Variants in RNF115 observed in about 807,000 individuals in gnomAD.
RNF115 encodes the protein ring finger protein 115.
RNF115 carries 31 observed loss-of-function variants against 39.2 expected under a neutral mutation model. That is an observed-to-expected ratio of 0.79 (90% confidence interval 0.59 to 1.07). RNF115 has a LOEUF of 1.07. RNF115 is among the 50% of genes least tolerant of loss of function. RNF115 has a pLI of 0.00. For synonymous variants in RNF115, 124 were observed against 131.0 expected (o/e 0.95, Z 0.37); for missense variants, 384 against 381.7 (o/e 1.01, Z -0.05).
chr1:145,761,273 C>T (rs916501403), intron 4 of RNF115, among the ~76,000 whole-genome samples: 1 of 152,156 alleles, frequency 6.6e-6, no homozygotes. Context: ...TAGCAAGGAG[C>T]CTAATGTTAA....
intron 1 of RNF115, among the ~76,000 whole-genome samples, chr1:145,809,599 A>C (rs1649610260): frequency 1.1e-5 from 1 of 88,054 alleles, no homozygotes; most frequent in African/African-American, 4.9e-5. Flanking sequence ...GGTTCAAGCA[A>C]TTCTTCTGCA....
intron 1 of RNF115, among the ~76,000 whole-genome samples, chr1:145,804,043 A>G (rs1470848701): frequency 6.6e-6 from 1 of 152,262 alleles, no homozygotes. Context: ...GCCAAAAAGT[A>G]TAGATGTTTA....
intron 1 of RNF115, among the ~76,000 whole-genome samples, chr1:145,793,599 T>C (rs892831561): frequency 2.0e-5 from 3 of 148,348 alleles, no homozygotes. Context: ...ATTACTCTTA[T>C]ATGTATGCTC....
Position 145,823,909 on chromosome 1 carries a change from C to CG in RNF115, c.-37dup. ...CGCCGCGGCCGTCCGAGAGGGCAGC[C>CG]GGCCCGTCCCTCGCCAGGCCGCTAC... On this transcript the variant is annotated 5_prime_UTR_variant, in exon 1 of 9. Transcript: ENST00000582693. 2 of 1,430,246 alleles carry CG rather than the reference C, an allele frequency of 1.4e-6. No individual in the cohort carries two copies. The highest frequency in any genetic ancestry group is 1.9e-6 in the Non-Finnish European group (2 of 1,074,210). 88.6% of individuals were successfully genotyped at this position (1,430,246 alleles called of 1,614,324 possible).
intron 1 of RNF115, among the ~76,000 whole-genome samples, chr1:145,815,679 C>T (rs1297738123): frequency 6.6e-6 from 1 of 151,632 alleles, no homozygotes; most frequent in African/African-American, 2.4e-5. Context: ...GTAAGAGTTT[C>T]TGCTATGGTT....
At chr1:145,812,763 C>T (rs1649793073) in intron 1 of RNF115, among the ~76,000 whole-genome samples, 1 of 152,086 alleles carries the variant, frequency 6.6e-6, no homozygotes, top group South Asian at 2.1e-4. Flanking sequence ...TTAAAAATCA[C>T]TGGCGCCAAC....
intron 2 of RNF115, 117 bp from the exon 3 acceptor site, chr1:145,784,713 C>A: frequency 2.7e-6 from 2 of 744,440 alleles, no homozygotes; most frequent in South Asian, 3.3e-5. Flanking sequence ...TAACTCATCC[C>A]AACACAACAC....
intron 4 of RNF115, among the ~76,000 whole-genome samples, chr1:145,766,189 G>C (rs587607409): frequency 1.3e-5 from 2 of 152,210 alleles, no homozygotes; most frequent in East Asian, 1.9e-4. Flanking sequence ...AGGGAGTGGC[G>C]ATGACTCTTA....
intron 1 of RNF115, among the ~76,000 whole-genome samples, chr1:145,811,962 G>A (rs1169359875): frequency 6.0e-4 from 76 of 126,228 alleles, no homozygotes; most frequent in African/African-American, 2.0e-3. Context: ...TAGAAAAGCT[G>A]TATTACCTGT....
intron 1 of RNF115, among the ~76,000 whole-genome samples, chr1:145,798,234 G>A (rs973586827): frequency 6.6e-6 from 1 of 152,024 alleles, no homozygotes. Context: ...AAGTTATAAA[G>A]CCTTTCCTCT....
chr1:145,822,000 CAT>C (rs747114391), intron 1 of RNF115, among the ~76,000 whole-genome samples: 1 of 150,760 alleles, frequency 6.6e-6, no homozygotes, highest in Non-Finnish European at 1.5e-5. Flanking sequence ...AAAAAAAAAA[CAT>C]AAACACACAG....
At chr1:145,767,270 G>A (rs1305611645) in intron 4 of RNF115, among the ~76,000 whole-genome samples, 7 of 136,044 alleles carry the variant, frequency 5.1e-5, no homozygotes, top group Non-Finnish European at 1.1e-4. Flanking sequence ...GTGGCTGCCC[G>A]GCGGAGGAGC....
At chr1:145,804,893 C>A (rs1413001786) in intron 1 of RNF115, among the ~76,000 whole-genome samples, 2 of 152,122 alleles carry the variant, frequency 1.3e-5, no homozygotes, top group African/African-American at 4.8e-5. Context: ...ATTCTGAACT[C>A]CTATTAAATC....
intron 1 of RNF115, among the ~76,000 whole-genome samples, chr1:145,791,512 CAAAAAA>C (rs1180971080): frequency 9.4e-6 from 1 of 106,072 alleles, no homozygotes. Flanking sequence ...AACTCCACCT[CAAAAAA>C]AAAAAAAAAG....
intron 4 of RNF115, among the ~76,000 whole-genome samples, chr1:145,756,804 C>CA (rs1163273234): frequency 7.7e-5 from 11 of 142,238 alleles, no homozygotes; most frequent in African/African-American, 1.8e-4. Context: ...CTTCTGTCTT[C>CA]TGTGTTCATG....
chr1:145,769,179 T>A (rs1647524672), intron 4 of RNF115, among the ~76,000 whole-genome samples: 1 of 152,212 alleles, frequency 6.6e-6, no homozygotes, highest in East Asian at 1.9e-4. Flanking sequence ...TATTGCACTA[T>A]CCTGGCTCCA....
chr1:145,781,966 A>T (rs1225242919), intron 3 of RNF115, among the ~76,000 whole-genome samples: 1 of 148,042 alleles, frequency 6.8e-6, no homozygotes, highest in Non-Finnish European at 1.5e-5. Flanking sequence ...CCAGTGGTGC[A>T]ATCTCCGCTC....
intron 4 of RNF115, among the ~76,000 whole-genome samples, chr1:145,760,732 T>C (rs587752606): frequency 2.0e-5 from 3 of 152,274 alleles, no homozygotes; most frequent in East Asian, 1.9e-4. Flanking sequence ...TGGACTAATA[T>C]AGTAAATTGG....
At position 145,744,936 on chromosome 1, in the gene RNF115, A is replaced by T; in HGVS notation, c.*1930T>A. The T allele has an allele frequency of 6.6e-6, 1 of 152,298 alleles. No individual in the cohort carries two copies. Among genetic ancestry groups the T allele is most frequent in the East Asian group, 1.9e-4 (1 of 5,186 alleles). The allele number at this position is 152,298 out of a possible 1,614,324, so 9.4% of individuals were successfully genotyped here. On this transcript the variant is annotated 3_prime_UTR_variant, in exon 9 of 9. Transcript: ENST00000582693. ...CTACTAGGCTGAAAAAATAAGGCCT[A>T]CCTCTTCCAGGCCAAGCTGTTTTGG...
Sources: allele counts gnomAD v4.1 joint callset (sites outside exome capture counted in the v4.1 genomes callset), GRCh38; gene constraint gnomAD v4.1.1; transcripts MANE v1.5; gene names NCBI Gene and HGNC (gene_info 2026-07-23, HGNC 2026-07-21).